Variants in DIP2A observed in about 807,000 individuals in gnomAD.
DIP2A encodes disco-interacting protein 2 homolog A.
DIP2A carries 85 observed loss-of-function variants against 177.4 expected under a neutral mutation model. The ratio of observed to expected loss-of-function variants is 0.48; its 90% CI spans 0.40 to 0.57. DIP2A has a LOEUF of 0.57. Ranked by LOEUF, DIP2A falls within the 20% of genes least tolerant of loss-of-function variation. DIP2A has a pLI of 0.00. For missense variants in DIP2A, 1,791 were observed against 2,100.2 expected (o/e 0.85, Z 2.88); for synonymous variants, 886 against 881.8 (o/e 1.00, Z -0.08).
In DIP2A at chr21:46,497,953, AACAC is replaced by A. The variant is rs2057443997; in HGVS notation, c.404-625_404-622del. 2.6e-5 allele frequency among the ~76,000 whole-genome samples: 4 copies of A among 152,362 alleles called. No individual in the cohort carries two copies. The South Asian group carries it at 8.3e-4, about 32-fold the overall frequency. ...TTAATAATTGTAAAACCCATAATGA[AACAC>A]ACAGTCATGCTGACTTGAAGAAACC... is the stretch of plus-strand genomic sequence containing the variant. On this transcript the variant is annotated intron_variant, in intron 4 of 37. Coordinates refer to ENST00000417564, the MANE Select transcript of DIP2A (RefSeq NM_015151.4).
At chr21:46,492,384 A>G (rs1374540506) in intron 3 of DIP2A, among the ~76,000 whole-genome samples, 1 of 152,196 alleles carries the variant, frequency 6.6e-6, no homozygotes, top group Non-Finnish European at 1.5e-5. Context: ...TGTTCTCTTG[A>G]TGATCATACC....
intron 8 of DIP2A, among the ~76,000 whole-genome samples, chr21:46,516,418 A>T: frequency 7.0e-6 from 1 of 143,182 alleles, no homozygotes; most frequent in African/African-American, 2.6e-5. Flanking sequence ...ATTCTTTCTT[A>T]TATATACTTC....
intron 9 of DIP2A, among the ~76,000 whole-genome samples, chr21:46,530,204 A>G (rs577429170): frequency 1.3e-5 from 2 of 152,336 alleles, no homozygotes; most frequent in South Asian, 2.1e-4. Flanking sequence ...GAAAATCAAC[A>G]TACCAGTGAA....
intron 1 of DIP2A, among the ~76,000 whole-genome samples, chr21:46,476,028 G>A (rs1252039710): frequency 2.0e-5 from 3 of 150,400 alleles, no homozygotes; most frequent in East Asian, 1.9e-4. Flanking sequence ...GAGGTCAGGA[G>A]ATTGAGACCA....
chr21:46,461,271 C>CA lies in DIP2A; in HGVS notation c.91+2071dup, dbSNP rs60346777. On this transcript the variant is annotated intron_variant, in intron 1 of 37. Transcript: ENST00000417564. ...AGAGCGAGAACCTGTCTCTTCTCAC[C>CA]AAAAAAAAAAAAAAAAAAAAAAGGA... Among the ~76,000 whole-genome samples the CA allele has an allele frequency of 8.4e-3, 411 of 49,208 alleles. 12 individuals are homozygous for CA. The highest frequency in any genetic ancestry group is 0.053 in the Middle Eastern group (2 of 38). 32.3% of individuals were successfully genotyped at this position (49,208 alleles called of 152,430 possible).
intron 5 of DIP2A, among the ~76,000 whole-genome samples, chr21:46,499,871 T>G (rs574308950): frequency 1.3e-5 from 2 of 152,324 alleles, no homozygotes; most frequent in East Asian, 3.9e-4. Context: ...GACAGCAGCC[T>G]TAAGTGGTGA....
At chr21:46,499,144 T>G (rs1237478577) in intron 5 of DIP2A, among the ~76,000 whole-genome samples, 2 of 152,224 alleles carry the variant, frequency 1.3e-5, no homozygotes, top group Admixed American at 6.5e-5. Flanking sequence ...GCAAATTTTT[T>G]CCCCCATCAA....
chr21:46,567,296 C>G lies in DIP2A; in HGVS notation c.4464-74C>G, dbSNP rs919823654. ...TGGGCTTCACTCTTCTTTGTGCCAC[C>G]CTTTCCCAAGCATTCATTGGCCCCT... On this transcript the variant is annotated intron_variant, in intron 37 of 37. Coordinates refer to ENST00000417564, the MANE Select transcript of DIP2A (RefSeq NM_015151.4). The G allele has an allele frequency of 1.6e-5, 24 of 1,544,018 alleles. No individual in the cohort carries two copies. The African/African-American group carries it at 3.1e-4, about 20-fold the overall frequency.
chr21:46,507,919 A>G (rs1043193749), intron 6 of DIP2A, among the ~76,000 whole-genome samples: 1 of 150,042 alleles, frequency 6.7e-6, no homozygotes, highest in Non-Finnish European at 1.5e-5. Context: ...TAATTTTTGT[A>G]TTTTTTAGTA....
chr21:46,548,873 C>G (rs2060162885), intron 21 of DIP2A, among the ~76,000 whole-genome samples: 1 of 152,190 alleles, frequency 6.6e-6, no homozygotes, highest in South Asian at 2.1e-4. Context: ...AAAAGCCAAG[C>G]AAAACACATC....
intron 1 of DIP2A, among the ~76,000 whole-genome samples, chr21:46,467,965 A>C (rs1442993389): frequency 6.6e-6 from 1 of 152,048 alleles, no homozygotes; most frequent in Non-Finnish European, 1.5e-5. Context: ...ATCTCTGCTA[A>C]AAAATATGAA....
chr21:46,539,526 C>T (rs2059718279), intron 16 of DIP2A: 2 of 354,478 alleles, frequency 5.6e-6, no homozygotes, highest in Non-Finnish European at 1.1e-5. Context: ...TCAGAGTGTG[C>T]ACCTCCTCTC....
intron 13 of DIP2A, among the ~76,000 whole-genome samples, chr21:46,535,136 G>C (rs1054540424): frequency 1.3e-5 from 2 of 152,150 alleles, no homozygotes; most frequent in Non-Finnish European, 2.9e-5. Context: ...CTGTAGTTTT[G>C]ACCTCAGCTG....
chr21:46,498,443 G>A lies in DIP2A; in HGVS notation c.404-139G>A, dbSNP rs1173094794. On this transcript the variant is annotated intron_variant, in intron 4 of 37. Coordinates refer to ENST00000417564, the MANE Select transcript of DIP2A (RefSeq NM_015151.4). The surrounding 1 kb of genome is among the most constrained non-coding windows in gnomAD (Gnocchi z 4.3). The stretch of plus-strand genomic sequence containing the variant: ...ATTGAGGGTGACCTTTGAGCTGACT[G>A]CGTGGCTTTGGGCAGAGCTGTGCCA... The A allele has an allele frequency of 1.9e-6, 2 of 1,027,258 alleles. No homozygotes were observed. The highest frequency in any genetic ancestry group is 1.6e-5 in the African/African-American group (1 of 62,374). 63.6% of individuals were successfully genotyped at this position (1,027,258 alleles called of 1,614,324 possible). A position where few individuals can be genotyped will look rare whatever the true frequency, so the allele number is the denominator to read the frequency against.
At chr21:46,560,625 C>CG (rs1302131079) in intron 32 of DIP2A, 97 bp from the exon 33 acceptor site, 3 of 1,498,250 alleles carry the variant, frequency 2.0e-6, no homozygotes, top group Admixed American at 2.0e-5. Context: ...TGGGTGTCCC[C>CG]GGGGGCCAGG....
At chr21:46,526,709 T>G (rs1251165116) in intron 8 of DIP2A, among the ~76,000 whole-genome samples, 1 of 152,198 alleles carries the variant, frequency 6.6e-6, no homozygotes, top group East Asian at 1.9e-4. Flanking sequence ...TACTCTGTAT[T>G]GCTAGTATGT....
chr21:46,492,571 C>T (rs73152839), intron 3 of DIP2A, among the ~76,000 whole-genome samples: 10,182 of 152,100 alleles, frequency 0.067, 568 homozygotes, highest in East Asian at 0.29. Context: ...GCCCTAACCC[C>T]GGTGGGATGC....
chr21:46,528,568 T>TTTA lies in DIP2A; in HGVS notation c.1103-524_1103-523insTTA, dbSNP rs1569043246. Reference sequence around the variant, plus strand: ...TTTTTTTTTTTTTTTTTTTTTTTTTTAGATAATGTCTTTATTGCCCAGGCT... The same window carrying TTTA: ...TTTTTTTTTTTTTTTTTTTTTTTTTTTTAAGATAATGTCTTTATTGCCCAGGCT... On this transcript the variant is annotated intron_variant, in intron 8 of 37. Coordinates refer to ENST00000417564, the MANE Select transcript of DIP2A (RefSeq NM_015151.4). 1.3e-4 allele frequency among the ~76,000 whole-genome samples: 12 copies of TTTA among 90,572 alleles called. 1 individual carries two copies. The highest frequency in any genetic ancestry group is 4.3e-4 in the South Asian group (1 of 2,344). 59.4% of individuals were successfully genotyped at this position (90,572 alleles called of 152,430 possible).
rs1289709294 is a variant in DIP2A, at chr21:46,557,006, G to A, written c.3566G>A (p.Arg1189Gln). Residue 1189 changes from arginine to glutamine, a missense_variant, in exon 30 of 38, where the codon CGG becomes CAG. Physicochemically the swap from Arg to Gln is conservative, Grantham distance 43. Coordinates refer to ENST00000417564, the MANE Select transcript of DIP2A (RefSeq NM_015151.4). This position sits in a 1 kb window ranked among gnomAD's most constrained non-coding sequence, Gnocchi z 6.0. ...IKLQCELYPS[R>Q]QIAICLDPYC... ...CTGCAGTGTGAGCTGTACCCCTCGC[G>A]GCAGATCGCCATCTGCCTCGACCCC... 1.2e-6 allele frequency: 2 copies of A among 1,601,588 alleles called. No individual in the cohort carries two copies. The highest frequency in any genetic ancestry group is 1.7e-5 in the Admixed American group (1 of 58,046).
Sources: allele counts gnomAD v4.1 joint callset (sites outside exome capture counted in the v4.1 genomes callset), GRCh38; gene constraint gnomAD v4.1.1; non-coding constraint Gnocchi (gnomAD v3.1); transcripts MANE v1.5; gene names NCBI Gene and HGNC (gene_info 2026-07-23, HGNC 2026-07-21).